The following SYT16 variants were observed in gnomAD, a reference collection of about 807,000 sequenced individuals.
SYT16 encodes the protein synaptotagmin-16.
A neutral mutation model predicts 61.4 loss-of-function variants in SYT16; 42 were observed. That is an observed-to-expected ratio of 0.68 (90% confidence interval 0.53 to 0.89). The LOEUF (loss-of-function observed/expected upper bound fraction) is 0.89, where lower values mean the gene tolerates loss of function less well. Ranked by LOEUF, SYT16 falls within the 40% of genes least tolerant of loss-of-function variation. The pLI is 0.00. For synonymous variants in SYT16, 314 were observed against 302.3 expected (o/e 1.04, Z -0.40); for missense variants, 804 against 807.3 (o/e 1.00, Z 0.05).
At chr14:61,924,815 A>G (rs1372639513) in intron 1 of SYT16, among the ~76,000 whole-genome samples, 1 of 152,236 alleles carries the variant, frequency 6.6e-6, no homozygotes, top group Non-Finnish European at 1.5e-5. Context: ...TTCAGCCACA[A>G]GTGACAGACA....
chr14:61,952,607 T>G (rs1594997644), intron 1 of SYT16, among the ~76,000 whole-genome samples: 2 of 152,204 alleles, frequency 1.3e-5, no homozygotes, highest in African/African-American at 4.8e-5. Flanking sequence ...GATGGACTTA[T>G]TTCAACACAC....
At chr14:61,940,993 T>G (rs1181309018) in intron 1 of SYT16, among the ~76,000 whole-genome samples, 2 of 152,194 alleles carry the variant, frequency 1.3e-5, no homozygotes, top group African/African-American at 4.8e-5. Flanking sequence ...CATTTGCCCC[T>G]TTCCCGTGCA....
Position 61,834,428 on chromosome 14 carries a change from C to CTTTT in SYT16, c.-325+21639_-325+21642dup, listed in dbSNP as rs35260303. Among the ~76,000 whole-genome samples, 147 of 76,866 alleles carry CTTTT rather than the reference C, an allele frequency of 1.9e-3. 11 individuals are homozygous for CTTTT. Among genetic ancestry groups the CTTTT allele is most frequent in the African/African-American group, 7.8e-3 (120 of 15,320 alleles). 50.4% of individuals were successfully genotyped at this position (76,866 alleles called of 152,430 possible). ...TACAGGCATGAGCCACCGTGCCTGG[C>CTTTT]TTTTTTTTTTTTTTTTTTTTTTTTG... On this transcript the variant is annotated intron_variant, in intron 1 of 7. Transcript: ENST00000683842.
chr14:61,896,418 A>G (rs1457924885), intron 1 of SYT16, among the ~76,000 whole-genome samples: 5 of 152,308 alleles, frequency 3.3e-5, no homozygotes, highest in African/African-American at 1.2e-4. Context: ...TGGGAAGAGG[A>G]TAGAGTGTCC....
chr14:61,850,214 A>G (rs2046572005), intron 1 of SYT16, among the ~76,000 whole-genome samples: 1 of 147,128 alleles, frequency 6.8e-6, no homozygotes, highest in South Asian at 2.2e-4. Context: ...GGCTCACTGC[A>G]ACCTCTGCCT....
At position 62,109,789 on chromosome 14, in the gene SYT16, A is replaced by C. The variant is rs1315634060; in HGVS notation, c.*9082A>C. ...TATTACTGATTCATGATAGAAAATC[A>C]CCTTCTGTCGCTAGTTTATATGACT... On this transcript the variant is annotated 3_prime_UTR_variant, in exon 8 of 8. Coordinates refer to ENST00000683842, the MANE Select transcript of SYT16 (RefSeq NM_001367656.1). The C allele has an allele frequency of 6.6e-6, 1 of 152,132 alleles. No individual in the cohort carries two copies. The highest frequency in any genetic ancestry group is 1.9e-4 in the East Asian group (1 of 5,192). The allele number at this position is 152,132 out of a possible 1,614,324, so 9.4% of individuals were successfully genotyped here. A position where few individuals can be genotyped will look rare whatever the true frequency, so the allele number is the denominator to read the frequency against.
At position 62,104,274 on chromosome 14, in the gene SYT16, C is replaced by G. The variant is rs2057474864; in HGVS notation, c.*3567C>G. The stretch of plus-strand genomic sequence containing the variant: ...GTATTATTTGTAAATGTCATAAAAC[C>G]AGATGGAGGCATATTCTTTACTGAT... On this transcript the variant is annotated 3_prime_UTR_variant, in exon 8 of 8. Transcript: ENST00000683842. 6.6e-6 allele frequency: 1 copy of G among 152,118 alleles called. No individual in the cohort carries two copies. Among genetic ancestry groups the G allele is most frequent in the Non-Finnish European group, 1.5e-5 (1 of 68,018 alleles). The allele number at this position is 152,118 out of a possible 1,614,324, so 9.4% of individuals were successfully genotyped here. A position where few individuals can be genotyped will look rare whatever the true frequency, so the allele number is the denominator to read the frequency against.
intron 7 of SYT16, among the ~76,000 whole-genome samples, chr14:62,098,496 T>C (rs1187588185): frequency 1.3e-5 from 2 of 152,236 alleles, no homozygotes; most frequent in Non-Finnish European, 2.9e-5. Context: ...TTGAGTGCTT[T>C]CTTTCCTTTC....
intron 1 of SYT16, among the ~76,000 whole-genome samples, chr14:61,873,176 T>G (rs2047382906): frequency 6.6e-6 from 1 of 152,236 alleles, no homozygotes; most frequent in Non-Finnish European, 1.5e-5. Flanking sequence ...GAAATTTAAG[T>G]ATATGATCTC....
intron 1 of SYT16, among the ~76,000 whole-genome samples, chr14:61,832,624 G>T (rs1265488453): frequency 6.6e-6 from 1 of 152,074 alleles, no homozygotes; most frequent in East Asian, 1.9e-4. Flanking sequence ...TTTTAGTATA[G>T]ATGGGGTTTC....
chr14:62,112,169 CTT>C lies in SYT16; in HGVS notation c.*11466_*11467del, dbSNP rs2057620705. On this transcript the variant is annotated 3_prime_UTR_variant, in exon 8 of 8. Coordinates refer to ENST00000683842, the MANE Select transcript of SYT16 (RefSeq NM_001367656.1). Reference sequence around the variant, plus strand: ...ATCAGTGAAATATTGAATGTCAATACTTTTTGTTAGAAATGCCCTCTGAAAAT... The same window carrying C: ...ATCAGTGAAATATTGAATGTCAATACTTTGTTAGAAATGCCCTCTGAAAAT... 6.6e-6 allele frequency: 1 copy of C among 152,022 alleles called. No homozygotes were observed. The highest frequency in any genetic ancestry group is 1.5e-5 in the Non-Finnish European group (1 of 67,932). 9.4% of individuals were successfully genotyped at this position (152,022 alleles called of 1,614,324 possible).
chr14:61,984,740 T>C (rs1237214933), intron 2 of SYT16, among the ~76,000 whole-genome samples: 1 of 152,104 alleles, frequency 6.6e-6, no homozygotes, highest in Non-Finnish European at 1.5e-5. Context: ...ATAACTAGCA[T>C]TTTGGTTTAA....
chr14:61,829,780 G>T (rs570536689), intron 1 of SYT16, among the ~76,000 whole-genome samples: 1 of 151,748 alleles, frequency 6.6e-6, no homozygotes, highest in Non-Finnish European at 1.5e-5. Context: ...TCAGCCTCCC[G>T]AGTAGCTGGG....
At chr14:61,909,259 A>G (rs1450718615) in intron 1 of SYT16, among the ~76,000 whole-genome samples, 3 of 152,248 alleles carry the variant, frequency 2.0e-5, no homozygotes, top group Non-Finnish European at 4.4e-5. Flanking sequence ...CTATTCCATC[A>G]TGTATAGTGC....
intron 2 of SYT16, among the ~76,000 whole-genome samples, chr14:61,990,896 T>G (rs935205859): frequency 2.6e-5 from 4 of 152,228 alleles, no homozygotes; most frequent in Non-Finnish European, 5.9e-5. Context: ...TTGACAGTTT[T>G]TCTTTCTACA....
chr14:61,871,033 T>C (rs2047316119), intron 1 of SYT16, among the ~76,000 whole-genome samples: 1 of 152,178 alleles, frequency 6.6e-6, no homozygotes, highest in African/African-American at 2.4e-5. Context: ...TTTTATTTCT[T>C]TAAGTATTTT....
intron 1 of SYT16, among the ~76,000 whole-genome samples, chr14:61,856,680 A>C (rs1360705872): frequency 3.9e-5 from 6 of 152,196 alleles, no homozygotes; most frequent in African/African-American, 1.4e-4. Context: ...TATTGGAGAT[A>C]TTGAATAAGC....
chr14:62,021,127 G>C (rs2053892794), intron 3 of SYT16, among the ~76,000 whole-genome samples: 1 of 152,080 alleles, frequency 6.6e-6, no homozygotes, highest in Admixed American at 6.6e-5. Context: ...TTCCAAATAT[G>C]CTTTTATAGA....
chr14:62,047,477 G>T (rs1237741502), intron 3 of SYT16, among the ~76,000 whole-genome samples: 2 of 152,090 alleles, frequency 1.3e-5, no homozygotes, highest in Non-Finnish European at 2.9e-5. Flanking sequence ...TCCTTCTCCT[G>T]CCTGATTGCC....
Sources: gnomAD v4.1 joint callset for allele counts (sites outside exome capture counted in the v4.1 genomes callset) on GRCh38, gnomAD v4.1.1 for gene constraint, MANE v1.5 for transcripts, NCBI Gene and HGNC (gene_info 2026-07-23, HGNC 2026-07-21) for gene names.